GADL1: variants seen among roughly 807,000 people sequenced by gnomAD.
GADL1 encodes GAD like acidic amino acid decarboxylase 1, also known as acidic amino acid decarboxylase GADL1.
GADL1 carries 71 observed loss-of-function variants against 69.5 expected under a neutral mutation model. The ratio of observed to expected loss-of-function variants is 1.02; its 90% CI spans 0.84 to 1.25. The LOEUF (loss-of-function observed/expected upper bound fraction) is 1.25, where lower values mean the gene tolerates loss of function less well. GADL1 is among the 50% of genes most tolerant of loss of function. The probability of loss-of-function intolerance (pLI) is 0.00; values close to 1 mark genes in which losing one functional copy is unlikely to be tolerated. For missense variants in GADL1, 737 were observed against 631.8 expected (o/e 1.17, Z -1.79); for synonymous variants, 254 against 214.4 (o/e 1.18, Z -1.62).
At chr3:30,751,418 T>C (rs1350286896) in intron 14 of GADL1, among the ~76,000 whole-genome samples, 2 of 151,652 alleles carry the variant, frequency 1.3e-5, no homozygotes, top group Admixed American at 1.3e-4. Context: ...TCCGTTCTTC[T>C]GTTGCTTTGT....
At chr3:30,846,481 A>T (rs1698059910) in intron 6 of GADL1, among the ~76,000 whole-genome samples, 1 of 151,940 alleles carries the variant, frequency 6.6e-6, no homozygotes. Flanking sequence ...CTCAATGTAC[A>T]CTGTGCCCTG....
chr3:30,891,201 T>C (rs1461346037), intron 1 of GADL1, among the ~76,000 whole-genome samples: 4 of 152,070 alleles, frequency 2.6e-5, no homozygotes, highest in Admixed American at 2.6e-4. Context: ...TATAGAGAGT[T>C]CATCCCTTGG....
In GADL1 at chr3:30,861,762, T is replaced by C; in HGVS notation, c.41A>G (p.Asp14Gly). ...TGGAATCATCTCTTGTTGATCAATA[T>C]CTCCTGGAAGCAAGCAAACAAATTG... is the stretch of plus-strand genomic sequence containing the variant. Reference protein sequence around the residue: ...DSDRQCPVDGDIDQQEMIPSK... With the variant: ...DSDRQCPVDGGIDQQEMIPSK... The change falls in exon 2 of 15, where the codon GAT becomes GGT. Residue 14 changes from aspartate to glycine, a missense_variant. Asp to Gly is a moderately conservative substitution (Grantham distance 94, BLOSUM62 -1). Coordinates refer to ENST00000282538, the MANE Select transcript of GADL1 (RefSeq NM_207359.3). 1 of 1,542,908 alleles carries C rather than the reference T, an allele frequency of 6.5e-7. No homozygotes were observed. The highest frequency in any genetic ancestry group is 8.8e-7 in the Non-Finnish European group (1 of 1,142,282).
chr3:30,730,855 A>AGTGTGTGTGTG (rs528274850), intron 14 of GADL1, among the ~76,000 whole-genome samples: 2 of 151,278 alleles, frequency 1.3e-5, no homozygotes, highest in African/African-American at 4.8e-5. Context: ...GTGCATAAGC[A>AGTGTGTGTGTG]TGTGTGTGTG....
chr3:30,886,015 CAGATT>C (rs1013337208), intron 1 of GADL1, among the ~76,000 whole-genome samples: 2 of 151,916 alleles, frequency 1.3e-5, no homozygotes, highest in African/African-American at 4.8e-5. Flanking sequence ...AGATCAAAAA[CAGATT>C]AGCAATAAAT....
rs546461229 is a variant in GADL1 at position 30,785,261 on chromosome 3, G to A, written c.1302+1094C>T. 2.0e-5 allele frequency among the ~76,000 whole-genome samples: 3 copies of A among 152,108 alleles called. No individual in the cohort carries two copies. In the South Asian group the frequency reaches 6.2e-4, roughly 32 times the overall value. ...AGTGCCTTTCAGTTTCCACTTGAAT[G>A]TAAACATGAAATTGGGGGACCTTTT... On this transcript the variant is annotated intron_variant, in intron 13 of 14. Coordinates refer to ENST00000282538, the MANE Select transcript of GADL1 (RefSeq NM_207359.3).
chr3:30,825,639 C>T (rs1014647716), intron 11 of GADL1, among the ~76,000 whole-genome samples: 3 of 149,250 alleles, frequency 2.0e-5, no homozygotes, highest in Admixed American at 6.8e-5. Flanking sequence ...ATCAGAGTAG[C>T]GATAAAAGAG....
chr3:30,743,811 G>A (rs1695661115), intron 14 of GADL1, among the ~76,000 whole-genome samples: 1 of 152,184 alleles, frequency 6.6e-6, no homozygotes, highest in Admixed American at 6.5e-5. Context: ...GCCTGCTGTA[G>A]GAGGAGTACA....
At chr3:30,847,907 C>T (rs1002573729) in intron 6 of GADL1, among the ~76,000 whole-genome samples, 1 of 152,156 alleles carries the variant, frequency 6.6e-6, no homozygotes, top group African/African-American at 2.4e-5. Flanking sequence ...TCTAGGCTTC[C>T]ACGTAATATC....
Position 30,886,542 on chromosome 3 carries a change from G to A in GADL1, c.37+8036C>T, listed in dbSNP as rs538373351. 9.9e-5 allele frequency among the ~76,000 whole-genome samples: 15 copies of A among 152,264 alleles called. No individual in the cohort carries two copies. The South Asian group carries it at 2.9e-3, about 29-fold the overall frequency. ...AAGGGATGGGGAGTGGGGTGGAATA[G>A]CAATGTCTGACAAAGGGGCATCATT... is the stretch of plus-strand genomic sequence containing the variant. On this transcript the variant is annotated intron_variant, in intron 1 of 14. Coordinates refer to ENST00000282538, the MANE Select transcript of GADL1 (RefSeq NM_207359.3).
At chr3:30,811,001 T>C (rs1340892544) in intron 11 of GADL1, among the ~76,000 whole-genome samples, 1 of 152,172 alleles carries the variant, frequency 6.6e-6, no homozygotes, top group Non-Finnish European at 1.5e-5. Context: ...AAAAAACCAC[T>C]GACTTCTGAA....
At chr3:30,753,732 T>C (rs1053490090) in intron 14 of GADL1, among the ~76,000 whole-genome samples, 5 of 150,996 alleles carry the variant, frequency 3.3e-5, no homozygotes, top group Admixed American at 6.6e-5. Context: ...GTACAATAAA[T>C]GAAAACTTAA....
intron 11 of GADL1, among the ~76,000 whole-genome samples, chr3:30,825,861 G>A (rs957410004): frequency 1.3e-5 from 2 of 151,998 alleles, no homozygotes; most frequent in African/African-American, 4.8e-5. Flanking sequence ...GATAGGTGCA[G>A]CAAAGCACCA....
intron 11 of GADL1, among the ~76,000 whole-genome samples, chr3:30,829,194 T>A (rs929609556): frequency 8.6e-5 from 13 of 151,936 alleles, no homozygotes; most frequent in African/African-American, 1.4e-4. Context: ...AGGTTTTTTT[T>A]AAAATCCCTG....
At chr3:30,778,990 TTA>T (rs761709604) in intron 13 of GADL1, 4 of 152,210 alleles carry the variant, frequency 2.6e-5, no homozygotes, top group African/African-American at 9.6e-5. Context: ...AGCGGGCAGT[TTA>T]TGTTCTATCA....
chr3:30,754,259 C>T (rs1424147922), intron 14 of GADL1, among the ~76,000 whole-genome samples: 1 of 151,998 alleles, frequency 6.6e-6, no homozygotes, highest in Non-Finnish European at 1.5e-5. Context: ...TTTATTTTTT[C>T]AAGATGTGTA....
intron 8 of GADL1, among the ~76,000 whole-genome samples, chr3:30,842,140 AT>A (rs1238335640): frequency 1.3e-5 from 2 of 152,200 alleles, no homozygotes; most frequent in Non-Finnish European, 2.9e-5. Flanking sequence ...ACCAAATGCA[AT>A]TTGTGAACTT....
intron 8 of GADL1, among the ~76,000 whole-genome samples, chr3:30,841,563 G>A (rs754225099): frequency 5.9e-5 from 9 of 152,102 alleles, no homozygotes; most frequent in South Asian, 2.1e-4. Context: ...AGAATAAGAC[G>A]TTTATCCTGT....
At chr3:30,825,466 G>A (rs1020699200) in intron 11 of GADL1, among the ~76,000 whole-genome samples, 1 of 151,892 alleles carries the variant, frequency 6.6e-6, no homozygotes, top group Non-Finnish European at 1.5e-5. Flanking sequence ...TTGACTCCCT[G>A]TAATCTTTTG....
Sources: gnomAD v4.1 joint callset for allele counts (sites outside exome capture counted in the v4.1 genomes callset) on GRCh38, gnomAD v4.1.1 for gene constraint, MANE v1.5 for transcripts, NCBI Gene and HGNC (gene_info 2026-07-23, HGNC 2026-07-21) for gene names.